Variants in GYPC observed in about 807,000 individuals in gnomAD.
The protein encoded by GYPC is glycophorin C (Gerbich blood group), also known as glycophorin-C.
A neutral mutation model predicts 12.6 loss-of-function variants in GYPC; 14 were observed. The observed-to-expected ratio is 1.11, with a 90% CI of 0.74 to 1.74. The LOEUF (loss-of-function observed/expected upper bound fraction) is 1.74, where lower values mean the gene tolerates loss of function less well. Ranked by LOEUF, GYPC falls within the 40% of genes most tolerant of loss-of-function variation. The probability of loss-of-function intolerance (pLI) is 0.00; values close to 1 mark genes in which losing one functional copy is unlikely to be tolerated. For synonymous variants in GYPC, 78 were observed against 62.1 expected, an observed-to-expected ratio of 1.26 and a Z score of -1.20; for missense variants, 225 against 172.1, an observed-to-expected ratio of 1.31 and a Z score of -1.72.
Position 126,656,211 on chromosome 2 carries a change from C to G in GYPC, c.-53C>G, listed in dbSNP as rs957632633. On this transcript the variant is annotated 5_prime_UTR_variant, in exon 1 of 4. Coordinates refer to ENST00000259254, the MANE Select transcript of GYPC (RefSeq NM_002101.5). The stretch of plus-strand genomic sequence containing the variant: ...GGAGCGCGACCCTCCCCCGGCCCGG[C>G]CTGGCCCGGCCTGGCCAGTCCCCGC... 1.5e-5 allele frequency: 24 copies of G among 1,559,898 alleles called. No homozygotes were observed. The African/African-American group carries it at 2.9e-4, about 19-fold the overall frequency.
In GYPC at chr2:126,686,521, G is replaced by C. The variant is rs538903942; in HGVS notation, c.50-3734G>C. 3 of 985,440 alleles carry C rather than the reference G, an allele frequency of 3.0e-6. No individual in the cohort carries two copies. The African/African-American group carries it at 5.2e-5, about 17-fold the overall frequency. The allele number at this position is 985,440 out of a possible 1,614,324, so 61.0% of individuals were successfully genotyped here. ...GCATAGTGAAGGCTGCAGTTTAGTT[G>C]GTTCGTGGTTCCCCAGAAGGCTTTC... is the stretch of plus-strand genomic sequence containing the variant. On this transcript the variant is annotated intron_variant, in intron 1 of 3. Transcript: ENST00000259254.
At chr2:126,688,867 G>C (rs1683367415) in intron 1 of GYPC, among the ~76,000 whole-genome samples, 1 of 152,086 alleles carries the variant, frequency 6.6e-6, no homozygotes, top group Non-Finnish European at 1.5e-5. Flanking sequence ...GTGATCATCT[G>C]AGTGGAAATG....
At chr2:126,675,138 C>T (rs28387146) in intron 1 of GYPC, among the ~76,000 whole-genome samples, 34,371 of 151,950 alleles carry the variant, frequency 0.23, 4,787 homozygotes, top group Non-Finnish European at 0.32. Flanking sequence ...TACCAGGCCC[C>T]GCCACAAAGC....
At chr2:126,684,383 A>G (rs902269670) in intron 1 of GYPC, among the ~76,000 whole-genome samples, 3 of 152,148 alleles carry the variant, frequency 2.0e-5, no homozygotes, top group Non-Finnish European at 4.4e-5. Context: ...CCTGGAGCCC[A>G]TGGTGATCAG....
At chr2:126,690,521 CTGGGTA>C (rs2104805777) in intron 2 of GYPC, among the ~76,000 whole-genome samples, 1 of 152,262 alleles carries the variant, frequency 6.6e-6, no homozygotes, top group African/African-American at 2.4e-5. Flanking sequence ...GAGTCTACCC[CTGGGTA>C]AATAAATATA....
At chr2:126,683,250 G>T (rs926478893) in intron 1 of GYPC, among the ~76,000 whole-genome samples, 1 of 152,052 alleles carries the variant, frequency 6.6e-6, no homozygotes, top group African/African-American at 2.4e-5. Flanking sequence ...AACCTGGGGG[G>T]CAGAGGTTGC....
At chr2:126,681,820 A>C (rs1683158560) in intron 1 of GYPC, among the ~76,000 whole-genome samples, 1 of 152,088 alleles carries the variant, frequency 6.6e-6, no homozygotes, top group African/African-American at 2.4e-5. Flanking sequence ...AAGAAAAGAA[A>C]GAAAAGCTAC....
At chr2:126,671,353 CT>C (rs1682849811) in intron 1 of GYPC, among the ~76,000 whole-genome samples, 1 of 152,222 alleles carries the variant, frequency 6.6e-6, no homozygotes, top group Non-Finnish European at 1.5e-5. Context: ...GCGAGGCAGG[CT>C]TCCCTGAGCC....
At chr2:126,680,862 T>C (rs1372917870) in intron 1 of GYPC, among the ~76,000 whole-genome samples, 2 of 152,206 alleles carry the variant, frequency 1.3e-5, no homozygotes, top group Non-Finnish European at 2.9e-5. Context: ...AGGGTGGTCA[T>C]GGTCCTACTA....
At chr2:126,680,437 G>A (rs559222592) in intron 1 of GYPC, 1 of 152,306 alleles carries the variant, frequency 6.6e-6, no homozygotes, top group Admixed American at 6.5e-5. Flanking sequence ...GAAGTGAGAG[G>A]AACCTTTCCA....
intron 3 of GYPC, among the ~76,000 whole-genome samples, chr2:126,694,935 C>T (rs1683594975): frequency 6.6e-6 from 1 of 152,152 alleles, no homozygotes; most frequent in Non-Finnish European, 1.5e-5. Flanking sequence ...CACTGTACTT[C>T]CCCACCCCTC....
Position 126,690,309 on chromosome 2 carries a change from C to A in GYPC, c.104C>A (p.Ala35Glu), listed in dbSNP as rs759590650. ...ACCACAATGCATACTACCACCATTG[C>A]AGGTGAGTTCTCATCACAGAGCCTC... ...ASTTMHTTTIAEPDPGMSGWP... is the reference protein window; with the variant it reads ...ASTTMHTTTIEEPDPGMSGWP... Residue 35 changes from alanine to glutamate, a missense_variant and splice_region_variant, in exon 2 of 4, where the codon GCA (alanine) becomes GAA (glutamate). Transcript: ENST00000259254. The A allele has an allele frequency of 1.3e-5, 21 of 1,606,820 alleles. No homozygotes were observed. The highest frequency in any genetic ancestry group is 3.3e-4 in the Middle Eastern group (2 of 6,040).
chr2:126,680,716 C>A (rs957322003), intron 1 of GYPC, among the ~76,000 whole-genome samples: 16 of 152,222 alleles, frequency 1.1e-4, no homozygotes, highest in African/African-American at 3.4e-4. Context: ...GTGAAAGGAG[C>A]AGTGGTCACT....
chr2:126,693,238 T>A (rs546963198), intron 2 of GYPC, among the ~76,000 whole-genome samples: 1 of 152,342 alleles, frequency 6.6e-6, no homozygotes, highest in East Asian at 1.9e-4. Flanking sequence ...GAGCAGGTTG[T>A]TATAAAAGCA....
At chr2:126,695,802 C>A in intron 3 of GYPC, 144 bp from the exon 4 acceptor site, 1 of 730,814 alleles carries the variant, frequency 1.4e-6, no homozygotes, top group South Asian at 1.4e-5. Context: ...TTACAGGAAC[C>A]TGGCTCCCAT....
chr2:126,670,125 A>T (rs1682805236), intron 1 of GYPC, among the ~76,000 whole-genome samples: 1 of 152,166 alleles, frequency 6.6e-6, no homozygotes, highest in Admixed American at 6.5e-5. Context: ...AGGAAAAACA[A>T]GTTCTCTCTG....
chr2:126,688,913 A>G (rs935019), intron 1 of GYPC, among the ~76,000 whole-genome samples: 33,343 of 151,728 alleles, frequency 0.22, 4,058 homozygotes, highest in Middle Eastern at 0.32. Flanking sequence ...TTTATTATGT[A>G]GAGCCATTGT....
At chr2:126,677,859 G>C (rs751810055) in intron 1 of GYPC, among the ~76,000 whole-genome samples, 10 of 152,180 alleles carry the variant, frequency 6.6e-5, no homozygotes, top group Non-Finnish European at 1.3e-4. Flanking sequence ...TTTTTGGAAA[G>C]AGCCATTTGT....
intron 1 of GYPC, among the ~76,000 whole-genome samples, chr2:126,678,029 G>A (rs1683055238): frequency 6.6e-6 from 1 of 152,164 alleles, no homozygotes; most frequent in South Asian, 2.1e-4. Flanking sequence ...AGACCATCCT[G>A]GCTAACACGG....
Sources: allele counts gnomAD v4.1 joint callset (sites outside exome capture counted in the v4.1 genomes callset), GRCh38; gene constraint gnomAD v4.1.1; transcripts MANE v1.5; gene names NCBI Gene and HGNC (gene_info 2026-07-23, HGNC 2026-07-21).